The following NRXN3 variants were observed in gnomAD, a reference collection of about 807,000 sequenced individuals.
The protein encoded by NRXN3 is neurexin 3, also known as neurexin III.
A neutral mutation model predicts 137.6 loss-of-function variants in NRXN3; 32 were observed. That is an observed-to-expected ratio of 0.23 (90% confidence interval 0.18 to 0.31). The LOEUF (loss-of-function observed/expected upper bound fraction) is 0.31, where lower values mean the gene tolerates loss of function less well. Ranked by LOEUF, NRXN3 falls within the 10% of genes least tolerant of loss-of-function variation. The pLI is 1.00. For synonymous variants in NRXN3, 798 were observed against 784.5 expected, an observed-to-expected ratio of 1.02 and a Z score of -0.29; for missense variants, 1,574 against 2,062.5, an observed-to-expected ratio of 0.76 and a Z score of 4.59.
At chr14:79,500,285 A>G (rs1288233065) in intron 16 of NRXN3, among the ~76,000 whole-genome samples, 3 of 149,818 alleles carry the variant, frequency 2.0e-5, no homozygotes, top group African/African-American at 7.3e-5. Flanking sequence ...GAGACTAATG[A>G]TCATTTACCC....
intron 14 of NRXN3, among the ~76,000 whole-genome samples, chr14:78,969,184 T>A (rs755232568): frequency 1.0e-4 from 15 of 149,242 alleles, no homozygotes; most frequent in South Asian, 2.1e-4. Context: ...TGTCTACCCA[T>A]GCAGCACAAC....
At chr14:78,425,382 G>A (rs1395670633) in intron 4 of NRXN3, among the ~76,000 whole-genome samples, 2 of 152,190 alleles carry the variant, frequency 1.3e-5, no homozygotes, top group African/African-American at 4.8e-5. Context: ...CAGGAATCTT[G>A]GTGGCAGTAT....
intron 8 of NRXN3, among the ~76,000 whole-genome samples, chr14:78,788,781 C>G (rs1476055545): frequency 2.6e-5 from 4 of 152,316 alleles, no homozygotes; most frequent in African/African-American, 9.6e-5. Context: ...AATGGGCCAT[C>G]TGTTTTTTAA....
chr14:78,558,499 T>G (rs543418503), intron 4 of NRXN3, among the ~76,000 whole-genome samples: 7 of 152,272 alleles, frequency 4.6e-5, no homozygotes, highest in Non-Finnish European at 1.0e-4. Flanking sequence ...TTTTCATTGC[T>G]ATTACTCTGG....
At chr14:79,431,996 T>A (rs982271957) in intron 15 of NRXN3, among the ~76,000 whole-genome samples, 2 of 152,156 alleles carry the variant, frequency 1.3e-5, no homozygotes, top group Admixed American at 1.3e-4. Flanking sequence ...TAGCCAATGT[T>A]ATACTTGATG....
rs151296100 is a variant in NRXN3, at chr14:78,835,515, G to A, written c.2275+25171G>A. The stretch of plus-strand genomic sequence containing the variant: ...TGTGTTCTTTGTACACTATGCTCTG[G>A]GCACTTGGCATCCAGTTTCTTTTTG... On this transcript the variant is annotated intron_variant, in intron 10 of 20. Transcript: ENST00000335750. Among the ~76,000 whole-genome samples the A allele has an allele frequency of 4.1e-3, 622 of 152,234 alleles. 3 individuals are homozygous for A. Among genetic ancestry groups the A allele is most frequent in the African/African-American group, 0.014 (582 of 41,536 alleles).
intron 1 of NRXN3, among the ~76,000 whole-genome samples, chr14:78,209,035 C>CA (rs962421771): frequency 3.5e-4 from 54 of 152,250 alleles, no homozygotes; most frequent in African/African-American, 1.2e-3. Flanking sequence ...GTGTCTTGGC[C>CA]ACACAGACCT....
intron 15 of NRXN3, among the ~76,000 whole-genome samples, chr14:79,288,535 C>A (rs1208689795): frequency 6.6e-6 from 1 of 152,152 alleles, no homozygotes; most frequent in East Asian, 1.9e-4. Context: ...AATAAAGTGA[C>A]TATTTTACGA....
intron 16 of NRXN3, among the ~76,000 whole-genome samples, chr14:79,548,801 T>A (rs942544921): frequency 2.0e-5 from 3 of 151,136 alleles, no homozygotes; most frequent in African/African-American, 7.3e-5. Context: ...TAACTTCATC[T>A]GCTGCCCAAG....
chr14:79,411,817 A>T lies in NRXN3; in HGVS notation c.3263-55404A>T, dbSNP rs76964733. ...CTAGACCGTATAGTGGATGCTAGAG[A>T]TATAGATGTGACTAAGATACAGTCC... On this transcript the variant is annotated intron_variant, in intron 15 of 20. Coordinates refer to ENST00000335750, the MANE Select transcript of NRXN3 (RefSeq NM_001330195.2). Among the ~76,000 whole-genome samples, 1,408 of 152,312 alleles carry T rather than the reference A, an allele frequency of 9.2e-3. 34 individuals are homozygous for T. The East Asian group carries it at 0.1, about 11-fold the overall frequency.
chr14:79,595,993 C>G (rs1300955243), intron 16 of NRXN3, among the ~76,000 whole-genome samples: 5 of 151,124 alleles, frequency 3.3e-5, no homozygotes, highest in Non-Finnish European at 5.9e-5. Context: ...ATGGTTCATG[C>G]CGTGGGGGAA....
At chr14:79,817,903 T>G (rs2099256620) in intron 20 of NRXN3, among the ~76,000 whole-genome samples, 1 of 152,206 alleles carries the variant, frequency 6.6e-6, no homozygotes, top group Admixed American at 6.5e-5. Context: ...TGTTCCATTA[T>G]GATTTATTCA....
intron 17 of NRXN3, among the ~76,000 whole-genome samples, chr14:79,668,782 C>T (rs374667212): frequency 6.6e-6 from 1 of 152,050 alleles, no homozygotes; most frequent in Non-Finnish European, 1.5e-5. Flanking sequence ...ATGCCACTCT[C>T]ATGTTTCCAC....
At chr14:78,998,501 C>A in intron 15 of NRXN3, among the ~76,000 whole-genome samples, 1 of 152,220 alleles carries the variant, frequency 6.6e-6, no homozygotes, top group Non-Finnish European at 1.5e-5. Flanking sequence ...CCAAAGAAAA[C>A]GTTGCAAGAA....
At chr14:78,291,398 A>G (rs1175763932) in intron 3 of NRXN3, among the ~76,000 whole-genome samples, 1 of 152,246 alleles carries the variant, frequency 6.6e-6, no homozygotes, top group Non-Finnish European at 1.5e-5. Context: ...AATTCTCTTT[A>G]CCAAGTTAAC....
In NRXN3 at chr14:79,408,585, A is replaced by G. The variant is rs148983780; in HGVS notation, c.3263-58636A>G. Reference sequence around the variant, plus strand: ...AACCTCAAGCATTTGCAGCCACCCAATGACTTTTTTTGAAGGAATTTTTAC... The same window carrying G: ...AACCTCAAGCATTTGCAGCCACCCAGTGACTTTTTTTGAAGGAATTTTTAC... On this transcript the variant is annotated intron_variant, in intron 15 of 20. Transcript: ENST00000335750. 1.4e-4 allele frequency among the ~76,000 whole-genome samples: 21 copies of G among 152,214 alleles called. No individual in the cohort carries two copies. In the South Asian group the frequency reaches 1.9e-3, roughly 14 times the overall value.
At chr14:79,636,136 A>ATTAT (rs1458839490) in intron 16 of NRXN3, among the ~76,000 whole-genome samples, 1 of 152,178 alleles carries the variant, frequency 6.6e-6, no homozygotes, top group Non-Finnish European at 1.5e-5. Flanking sequence ...TTCTAATGAC[A>ATTAT]TTATATTCGT....
chr14:79,092,960 G>C (rs554710139), intron 15 of NRXN3, among the ~76,000 whole-genome samples: 1 of 152,178 alleles, frequency 6.6e-6, no homozygotes, highest in Non-Finnish European at 1.5e-5. Context: ...TAGAGTTGCG[G>C]GTTATGAGTG....
At chr14:78,561,878 G>T (rs1258881903) in intron 4 of NRXN3, among the ~76,000 whole-genome samples, 1 of 152,166 alleles carries the variant, frequency 6.6e-6, no homozygotes, top group East Asian at 1.9e-4. Context: ...CCTCATGTGG[G>T]TTTCTCTACT....
Sources: allele counts gnomAD v4.1 joint callset (sites outside exome capture counted in the v4.1 genomes callset), GRCh38; gene constraint gnomAD v4.1.1; transcripts MANE v1.5; gene names NCBI Gene and HGNC (gene_info 2026-07-23, HGNC 2026-07-21).